The following DEPDC4 variants were observed in gnomAD, a reference collection of about 807,000 sequenced individuals.
DEPDC4 encodes the protein DEP domain containing 4.
In DEPDC4, 52 loss-of-function variants were observed where a neutral mutation model predicts 52.0. The ratio of observed to expected loss-of-function variants is 1.00; its 90% CI spans 0.80 to 1.26. The LOEUF (loss-of-function observed/expected upper bound fraction) is 1.26. Among genes scored for constraint, DEPDC4 ranks in the 50% most tolerant of loss-of-function variants. The pLI, the probability that DEPDC4 is intolerant of heterozygous loss-of-function variation, is 0.00. For synonymous variants in DEPDC4, 201 were observed against 196.8 expected (o/e 1.02, Z -0.18); for missense variants, 530 against 546.9 (o/e 0.97, Z 0.31).
intron 1 of DEPDC4, 135 bp downstream of exon 1, chr12:100,266,785 G>T (rs924337158): frequency 2.5e-6 from 3 of 1,222,612 alleles, no homozygotes; most frequent in Non-Finnish European, 3.4e-6. Flanking sequence ...TCCAGTGCCT[G>T]GTAGGGCAGG....
the DEPDC4 span, among the ~76,000 whole-genome samples, chr12:100,278,176 T>A: frequency 2.6e-5 from 4 of 152,168 alleles, no homozygotes; most frequent in African/African-American, 9.7e-5. Context: ...TATTCTGGTT[T>A]AAAAACTTTA....
the DEPDC4 span, among the ~76,000 whole-genome samples, chr12:100,275,654 C>T: frequency 1.3e-5 from 2 of 151,966 alleles, no homozygotes; most frequent in East Asian, 1.9e-4. Flanking sequence ...CTTTGCAGTC[C>T]GAATGCCTTT....
chr12:100,265,129 TA>T (rs1005406745), intron 1 of DEPDC4, among the ~76,000 whole-genome samples: 3 of 149,692 alleles, frequency 2.0e-5, no homozygotes, highest in Non-Finnish European at 4.4e-5. Flanking sequence ...GGAGACTCTA[TA>T]AAAAATACAA....
Position 100,253,547 on chromosome 12 carries a change from T to C in DEPDC4, c.1047A>G (p.Arg349=). The change falls in exon 5 of 10, where the codon AGA becomes AGG. Residue 349 remains arginine, a synonymous_variant. Transcript: ENST00000550587. ...AATACTCATCAGTTAATAGGCAATC[T>C]CTCTCTTGAGCATAGTATTTTGCTA... The part of the protein sequence containing the change: ...DVIAKYYAQE[R]DCLLTDEYFD... The C allele has an allele frequency of 1.6e-6, 2 of 1,288,512 alleles. No homozygotes were observed. Among genetic ancestry groups the C allele is most frequent in the Non-Finnish European group, 2.0e-6 (2 of 988,234 alleles). The allele number at this position is 1,288,512 out of a possible 1,614,324, so 79.8% of individuals were successfully genotyped here.
At chr12:100,252,044 G>T in intron 7 of DEPDC4, 132 bp downstream of exon 7, 1 of 798,404 alleles carries the variant, frequency 1.3e-6, no homozygotes, top group Non-Finnish European at 1.6e-6. Context: ...TGTGGGTGTG[G>T]GGAGTCAGCA....
rs775573664 is a variant in DEPDC4 at position 100,244,093 on chromosome 12, G to GTATATATATATATATATATA, written c.1454-1525_1454-1524insTATATATATATATATATATA. On this transcript the variant is annotated intron_variant, in intron 8 of 9. Coordinates refer to ENST00000550587, the MANE Select transcript of DEPDC4 (RefSeq NM_001364818.2). ...TCCCTCTCTCTCTCTCTCTCTCTCT[G>GTATATATATATATATATATA]TGTATATATATATATATATATATAT... 3.4e-5 allele frequency among the ~76,000 whole-genome samples: 3 copies of GTATATATATATATATATATA among 89,332 alleles called. 1 individual carries two copies. The highest frequency in any genetic ancestry group is 6.5e-5 in the Non-Finnish European group (3 of 46,092). The allele number at this position is 89,332 out of a possible 152,430, so 58.6% of individuals were successfully genotyped here.
intron 8 of DEPDC4, among the ~76,000 whole-genome samples, chr12:100,245,944 ATTTTAT>A (rs910478288): frequency 6.6e-6 from 1 of 151,266 alleles, no homozygotes; most frequent in African/African-American, 2.4e-5. Context: ...TTCTTATTTT[ATTTTAT>A]TTTTATTTTT....
chr12:100,246,792 G>T (rs2096187478), intron 8 of DEPDC4, among the ~76,000 whole-genome samples: 3 of 152,106 alleles, frequency 2.0e-5, no homozygotes, highest in Admixed American at 2.0e-4. Flanking sequence ...ATAAAAATTA[G>T]CTGGGCGTGG....
the DEPDC4 span, among the ~76,000 whole-genome samples, chr12:100,281,569 C>T: frequency 6.6e-6 from 1 of 152,092 alleles, no homozygotes; most frequent in Non-Finnish European, 1.5e-5. Flanking sequence ...CGCTTTGGCT[C>T]ACGCCTGTAA....
At position 100,241,225 on chromosome 12, in the gene DEPDC4, G is replaced by GA. The variant is rs35063139; in HGVS notation, c.*666dup. ...GTGTATGAAAAGCTCCTTTCCTGTGGAAAAAAAAGGAAATTAACTGTACTA... is the reference window on the plus strand; with the variant it reads ...GTGTATGAAAAGCTCCTTTCCTGTGGAAAAAAAAAGGAAATTAACTGTACTA... On this transcript the variant is annotated 3_prime_UTR_variant, in exon 10 of 10. Coordinates refer to ENST00000550587, the MANE Select transcript of DEPDC4 (RefSeq NM_001364818.2). Among the ~76,000 whole-genome samples the GA allele has an allele frequency of 2.0e-5, 3 of 151,518 alleles. No homozygotes were observed. Among genetic ancestry groups the GA allele is most frequent in the African/African-American group, 4.8e-5 (2 of 41,334 alleles).
chr12:100,278,751 T>G, the DEPDC4 span, among the ~76,000 whole-genome samples: 1 of 151,370 alleles, frequency 6.6e-6, no homozygotes, highest in Admixed American at 6.6e-5. Flanking sequence ...TGCCTCAGCC[T>G]CCTGAGTAGC....
intron 8 of DEPDC4, among the ~76,000 whole-genome samples, chr12:100,244,220 G>T (rs776890986): frequency 6.8e-6 from 1 of 147,972 alleles, no homozygotes; most frequent in South Asian, 2.2e-4. Flanking sequence ...TCTCTCTGTC[G>T]CCCAGGCTGG....
chr12:100,259,445 A>C (rs1387168210), intron 3 of DEPDC4, among the ~76,000 whole-genome samples: 11 of 152,228 alleles, frequency 7.2e-5, no homozygotes, highest in Admixed American at 4.6e-4. Flanking sequence ...GCAAAACAGA[A>C]AACAAAAATG....
At chr12:100,264,928 A>G (rs967751280) in intron 1 of DEPDC4, among the ~76,000 whole-genome samples, 1 of 152,156 alleles carries the variant, frequency 6.6e-6, no homozygotes, top group African/African-American at 2.4e-5. Flanking sequence ...TACTCTCCAA[A>G]TAACAGAAAT....
intron 3 of DEPDC4, chr12:100,261,585 G>A (rs1289802341): frequency 1.3e-5 from 5 of 387,234 alleles, no homozygotes; most frequent in African/African-American, 2.1e-5. Context: ...CACTCATTAA[G>A]AAGATGGTCT....
intron 7 of DEPDC4, among the ~76,000 whole-genome samples, chr12:100,249,221 C>A (rs535318586): frequency 6.6e-6 from 1 of 152,036 alleles, no homozygotes; most frequent in Non-Finnish European, 1.5e-5. Flanking sequence ...GTTAACCCAT[C>A]ATTAGTGAAA....
At chr12:100,250,641 A>G (rs1044000087) in intron 7 of DEPDC4, among the ~76,000 whole-genome samples, 3 of 152,174 alleles carry the variant, frequency 2.0e-5, no homozygotes, top group Admixed American at 6.6e-5. Context: ...TCATTTATGT[A>G]GAGGAGGGGG....
the DEPDC4 span, among the ~76,000 whole-genome samples, chr12:100,273,658 T>C: frequency 6.6e-6 from 1 of 152,212 alleles, no homozygotes; most frequent in Non-Finnish European, 1.5e-5. Context: ...GTAACTGTAG[T>C]TTGCAGACCA....
At position 100,245,191 on chromosome 12, in the gene DEPDC4, A is replaced by G. The variant is rs118177551; in HGVS notation, c.1454-2622T>C. Among the ~76,000 whole-genome samples the G allele has an allele frequency of 2.3e-3, 348 of 152,036 alleles. 8 individuals carry two copies. In the East Asian group the frequency reaches 0.04, roughly 18 times the overall value. ...GGCCCCATCCTTATTTTAAATCAAA[A>G]GCCCCAAACAGACTCCATCATTCCC... On this transcript the variant is annotated intron_variant, in intron 8 of 9. Coordinates refer to ENST00000550587, the MANE Select transcript of DEPDC4 (RefSeq NM_001364818.2).
Sources: allele counts gnomAD v4.1 joint callset (sites outside exome capture counted in the v4.1 genomes callset), GRCh38; gene constraint gnomAD v4.1.1; transcripts MANE v1.5; gene names NCBI Gene and HGNC (gene_info 2026-07-23, HGNC 2026-07-21).